DNAH5: variants seen among roughly 807,000 people sequenced by gnomAD.
DNAH5 encodes the protein dynein axonemal heavy chain 5.
In DNAH5, 372 loss-of-function variants were observed where a neutral mutation model predicts 518.2. The observed-to-expected ratio is 0.72, with a 90% CI of 0.66 to 0.78. The LOEUF (loss-of-function observed/expected upper bound fraction) is 0.78. Ranked by LOEUF, DNAH5 falls within the 30% of genes least tolerant of loss-of-function variation. DNAH5 has a pLI of 0.00. For synonymous variants in DNAH5, 2,039 were observed against 2,025.9 expected, an observed-to-expected ratio of 1.01 and a Z score of -0.17; for missense variants, 5,523 against 5,687.0, an observed-to-expected ratio of 0.97 and a Z score of 0.93.
chr5:13,741,092 C>A (rs1017703506), intron 65 of DNAH5, among the ~76,000 whole-genome samples: 3 of 152,170 alleles, frequency 2.0e-5, no homozygotes, highest in African/African-American at 4.8e-5. Context: ...ACTGGAAAAT[C>A]TAGTCTTTGT....
At chr5:13,857,543 C>A (rs1767797918) in intron 30 of DNAH5, among the ~76,000 whole-genome samples, 2 of 152,110 alleles carry the variant, frequency 1.3e-5, no homozygotes, top group South Asian at 2.1e-4. Flanking sequence ...AAAAAAGAGT[C>A]CATATAGCCA....
At chr5:13,829,967 A>G in intron 37 of DNAH5, 59 bp downstream of exon 37, 3 of 1,462,588 alleles carry the variant, frequency 2.1e-6, no homozygotes, top group South Asian at 1.1e-5. Flanking sequence ...GACCAGGGAG[A>G]TGCATGAAAA....
chr5:13,801,634 C>T (rs747626647), intron 47 of DNAH5, among the ~76,000 whole-genome samples: 3 of 152,186 alleles, frequency 2.0e-5, no homozygotes, highest in Non-Finnish European at 4.4e-5. Context: ...TCTCTGAGTG[C>T]AGCCATGTCT....
intron 1 of DNAH5, among the ~76,000 whole-genome samples, chr5:14,008,291 T>TGAGGGAGGGAGGCAAGGAGGAGGGGATG (rs146724289): frequency 3.2e-4 from 47 of 146,222 alleles, no homozygotes; most frequent in African/African-American, 1.0e-3. Context: ...GAGGAAGAAA[T>TGAGGGAGGGAGGCAAGGAGGAGGGGATG]GAGGGAGAGA....
At position 13,956,026 on chromosome 5, in the gene DNAH5, C is replaced by T. The variant is rs79815649; in HGVS notation, c.13-24782G>A. 7.7e-3 allele frequency among the ~76,000 whole-genome samples: 1,171 copies of T among 152,310 alleles called. 16 individuals are homozygous for T. Among genetic ancestry groups the T allele is most frequent in the African/African-American group, 0.027 (1,119 of 41,558 alleles). ...CCCTGCAAACCACCACCGCTGTCCA[C>T]GCTCACCAGTGGGGTGGTACATGCT... is the stretch of plus-strand genomic sequence containing the variant. On this transcript the variant is annotated intron_variant, in intron 1 of 78. Transcript: ENST00000681290.
intron 1 of DNAH5, among the ~76,000 whole-genome samples, chr5:14,001,353 T>C (rs1784336930): frequency 6.6e-6 from 1 of 152,146 alleles, no homozygotes; most frequent in Non-Finnish European, 1.5e-5. Context: ...TAGTGATTTT[T>C]TGTTTTTTTT....
At chr5:13,816,298 G>A (rs1222531462) in intron 42 of DNAH5, among the ~76,000 whole-genome samples, 1 of 152,114 alleles carries the variant, frequency 6.6e-6, no homozygotes, top group East Asian at 1.9e-4. Flanking sequence ...TGTAAATTTA[G>A]GTATTTGATT....
At chr5:13,930,617 C>T (rs1778323924) in intron 2 of DNAH5, among the ~76,000 whole-genome samples, 1 of 152,052 alleles carries the variant, frequency 6.6e-6, no homozygotes, top group South Asian at 2.1e-4. Context: ...AAACACAAAG[C>T]AAATCACACC....
In DNAH5 at chr5:13,923,309, T is replaced by C; in HGVS notation, c.409A>G (p.Lys137Glu). The C allele has an allele frequency of 6.2e-7, 1 of 1,614,154 alleles. No homozygotes were observed. The highest frequency in any genetic ancestry group is 8.5e-7 in the Non-Finnish European group (1 of 1,179,998). ...TGGATGTTGTCAGGGGTGATGGCTTTGGAAGGGTCAGTCCTGATGAAGAAC... is the reference window on the plus strand; with the variant it reads ...TGGATGTTGTCAGGGGTGATGGCTTCGGAAGGGTCAGTCCTGATGAAGAAC... Reference protein sequence around the residue: ...CVFFIRTDPSKAITPDNIHQE... With the variant: ...CVFFIRTDPSEAITPDNIHQE... Residue 137 changes from lysine to glutamate, a missense_variant, in exon 4 of 79, where the codon AAA becomes GAA. By Grantham distance (56) the Lys-to-Glu change is moderately conservative. Coordinates refer to ENST00000265104, the MANE Select transcript of DNAH5 (RefSeq NM_001369.3).
chr5:13,893,813 G>A (rs1773564303), intron 16 of DNAH5, among the ~76,000 whole-genome samples: 2 of 151,370 alleles, frequency 1.3e-5, no homozygotes, highest in African/African-American at 4.9e-5. Flanking sequence ...CTAGGGGCAA[G>A]ACTCACTCTG....
chr5:13,828,907 C>A (rs1450705552), intron 38 of DNAH5, among the ~76,000 whole-genome samples: 1 of 152,222 alleles, frequency 6.6e-6, no homozygotes, highest in African/African-American at 2.4e-5. Flanking sequence ...TCCTGACCCA[C>A]AGACACCATG....
At chr5:14,011,625 C>T (rs1485028112) in intron 1 of DNAH5, among the ~76,000 whole-genome samples, 1 of 152,104 alleles carries the variant, frequency 6.6e-6, no homozygotes, top group African/African-American at 2.4e-5. Flanking sequence ...GTGGGAGCCG[C>T]GTGGCCCGAG....
At chr5:13,924,839 G>A (rs1777694007) in intron 3 of DNAH5, among the ~76,000 whole-genome samples, 1 of 152,140 alleles carries the variant, frequency 6.6e-6, no homozygotes. Context: ...CAAGCATGTG[G>A]CTCATTGAGT....
intron 1 of DNAH5, among the ~76,000 whole-genome samples, chr5:13,980,809 C>T (rs1396416660): frequency 6.6e-6 from 1 of 152,208 alleles, no homozygotes; most frequent in Non-Finnish European, 1.5e-5. Context: ...CCAACTCCTA[C>T]CACTTTTCCT....
At chr5:13,949,063 G>A (rs559856833), upstream of DNAH5, among the ~76,000 whole-genome samples, 2 of 152,206 alleles carry the variant, frequency 1.3e-5, no homozygotes, top group South Asian at 2.1e-4. Flanking sequence ...CTTGACAACC[G>A]GTAACAGAGA....
chr5:13,986,607 T>C (rs1478228904), intron 1 of DNAH5, among the ~76,000 whole-genome samples: 1 of 152,204 alleles, frequency 6.6e-6, no homozygotes, highest in African/African-American at 2.4e-5. Flanking sequence ...AGACACATCA[T>C]GTGTGCAGAG....
intron 30 of DNAH5, among the ~76,000 whole-genome samples, chr5:13,854,369 G>A (rs567130648): frequency 1.3e-5 from 2 of 152,228 alleles, no homozygotes; most frequent in South Asian, 4.2e-4. Flanking sequence ...CCTGAAGGAA[G>A]CACTAAATAC....
intron 43 of DNAH5, among the ~76,000 whole-genome samples, chr5:13,814,209 C>T (rs1394492265): frequency 6.6e-6 from 1 of 152,162 alleles, no homozygotes; most frequent in East Asian, 1.9e-4. Context: ...TTTTAATAAA[C>T]TGACTCCAAG....
chr5:13,801,437 G>C (rs1332271121), intron 47 of DNAH5, among the ~76,000 whole-genome samples: 2 of 152,122 alleles, frequency 1.3e-5, no homozygotes, highest in Non-Finnish European at 2.9e-5. Context: ...CCAGTCTCAG[G>C]TCATTCTTTA....
Sources: allele counts gnomAD v4.1 joint callset (sites outside exome capture counted in the v4.1 genomes callset), GRCh38; gene constraint gnomAD v4.1.1; transcripts MANE v1.5; gene names NCBI Gene and HGNC (gene_info 2026-07-23, HGNC 2026-07-21).